Variants in SCNN1B observed in about 807,000 individuals in gnomAD.
SCNN1B encodes epithelial sodium channel subunit beta.
In SCNN1B, 46 loss-of-function variants were observed where a neutral mutation model predicts 65.3. That is an observed-to-expected ratio of 0.70 (90% CI 0.56 to 0.90). SCNN1B has a LOEUF of 0.90. Among genes scored for constraint, SCNN1B ranks in the 40% least tolerant of loss-of-function variants. The pLI is 0.00. For missense variants in SCNN1B, 751 were observed against 830.5 expected (o/e 0.90, Z 1.18); for synonymous variants, 349 against 330.6 (o/e 1.06, Z -0.60).
At position 23,365,620 on chromosome 16, in the gene SCNN1B, A is replaced by AGAGAGAGAAAGAAAGAAAGAAAG. The variant is rs11399911; in HGVS notation, c.777-2236_777-2235insGAGAGAGAAAGAAAGAAAGAAAG. Among the ~76,000 whole-genome samples the AGAGAGAGAAAGAAAGAAAGAAAG allele has an allele frequency of 4.7e-3, 377 of 80,490 alleles. 2 individuals carry two copies. The highest frequency in any genetic ancestry group is 0.028 in the South Asian group (62 of 2,198). The allele number at this position is 80,490 out of a possible 152,430, so 52.8% of individuals were successfully genotyped here. On this transcript the variant is annotated intron_variant, in intron 4 of 12. Coordinates refer to ENST00000343070, the MANE Select transcript of SCNN1B (RefSeq NM_000336.3). ...AAGAAAGAAAGAAAGAAAGAAAGAA[A>AGAGAGAGAAAGAAAGAAAGAAAG]AAAGAAAGAAGTCACATCTTGGAAG... is the stretch of plus-strand genomic sequence containing the variant.
intron 5 of SCNN1B, among the ~76,000 whole-genome samples, chr16:23,370,697 G>A (rs542556111): frequency 1.3e-5 from 2 of 152,218 alleles, no homozygotes; most frequent in Non-Finnish European, 2.9e-5. Context: ...GAACGTTTCT[G>A]GAGGAAGTGA....
chr16:23,365,314 GA>G (rs1419455776), intron 4 of SCNN1B, among the ~76,000 whole-genome samples: 1 of 146,044 alleles, frequency 6.8e-6, no homozygotes, highest in Non-Finnish European at 1.5e-5. Flanking sequence ...GAGAGAAAAA[GA>G]GAGAAAGAGA....
chr16:23,350,284 G>T (rs753169785), intron 2 of SCNN1B, among the ~76,000 whole-genome samples: 1 of 152,082 alleles, frequency 6.6e-6, no homozygotes, highest in South Asian at 2.1e-4. Flanking sequence ...ATGCACAGTG[G>T]AAGACTGTGG....
At chr16:23,341,066 A>T (rs1218417457) in intron 1 of SCNN1B, among the ~76,000 whole-genome samples, 2 of 152,250 alleles carry the variant, frequency 1.3e-5, no homozygotes, top group African/African-American at 2.4e-5. Flanking sequence ...TCTAGAGATT[A>T]CGTGTGAGTT....
chr16:23,337,266 C>A (rs1961961718), intron 1 of SCNN1B, among the ~76,000 whole-genome samples: 1 of 151,924 alleles, frequency 6.6e-6, no homozygotes, highest in African/African-American at 2.4e-5. Flanking sequence ...GTTACCTGGG[C>A]TGGTTTCAAA....
At chr16:23,286,283 T>C (rs1940667242) in intron 2 of SCNN1B, among the ~76,000 whole-genome samples, 1 of 152,206 alleles carries the variant, frequency 6.6e-6, no homozygotes, top group African/African-American at 2.4e-5. Flanking sequence ...ACAATGATCA[T>C]CAATGGATGC....
upstream of SCNN1B, among the ~76,000 whole-genome samples, chr16:23,298,718 GA>G (rs1961031599): frequency 2.0e-5 from 3 of 152,186 alleles, no homozygotes; most frequent in South Asian, 6.2e-4. Flanking sequence ...ATAAAAAGGG[GA>G]AACAAGTTGG....
chr16:23,343,645 A>AAGAAAG (rs1555487079), intron 1 of SCNN1B, among the ~76,000 whole-genome samples: 2 of 130,280 alleles, frequency 1.5e-5, no homozygotes, highest in Non-Finnish European at 3.3e-5. Context: ...GAAAGAAAGA[A>AAGAAAG]AGAAAAAAAG....
intron 1 of SCNN1B, among the ~76,000 whole-genome samples, chr16:23,324,214 G>T (rs1383598821): frequency 2.0e-5 from 3 of 150,500 alleles, no homozygotes; most frequent in African/African-American, 4.9e-5. Context: ...TTGAGACAGG[G>T]TCTTGCTCTG....
intron 11 of SCNN1B, among the ~76,000 whole-genome samples, 157 bp from the exon 12 acceptor site, chr16:23,379,937 T>C (rs1963003293): frequency 6.6e-6 from 1 of 152,156 alleles, no homozygotes; most frequent in Non-Finnish European, 1.5e-5. Flanking sequence ...GCTGCCTTCC[T>C]GTGTGCATGT....
chr16:23,367,558 A>G (rs1962694697), intron 4 of SCNN1B, among the ~76,000 whole-genome samples: 1 of 152,222 alleles, frequency 6.6e-6, no homozygotes, highest in African/African-American at 2.4e-5. Flanking sequence ...TCAGCCTTCC[A>G]AAGTGCTAGG....
chr16:23,332,049 G>A (rs974345320), intron 1 of SCNN1B, among the ~76,000 whole-genome samples: 1 of 152,106 alleles, frequency 6.6e-6, no homozygotes, highest in African/African-American at 2.4e-5. Context: ...TGTTTTTAGA[G>A]ACAGGGTCCT....
At chr16:23,378,984 T>C (rs1438442983) in intron 11 of SCNN1B, among the ~76,000 whole-genome samples, 1 of 147,318 alleles carries the variant, frequency 6.8e-6, no homozygotes, top group Admixed American at 6.7e-5. Context: ...TGCTTCCCTC[T>C]GTCACTGTGC....
Position 23,348,198 on chromosome 16 carries a change from A to C in SCNN1B, c.-8-394A>C, listed in dbSNP as rs1962227099. ...CATCAATGTTACAATGAAACATTGAACAAAACGACGTCGTTTGAGGACTTG... is the reference window on the plus strand; with the variant it reads ...CATCAATGTTACAATGAAACATTGACCAAAACGACGTCGTTTGAGGACTTG... On this transcript the variant is annotated intron_variant, in intron 1 of 12. Coordinates refer to ENST00000343070, the MANE Select transcript of SCNN1B (RefSeq NM_000336.3). The surrounding 1 kb of genome is among the most constrained non-coding windows in gnomAD (Gnocchi z 4.5). Among the ~76,000 whole-genome samples, 1 of 152,174 alleles carries C rather than the reference A, an allele frequency of 6.6e-6. No homozygotes were observed. Among genetic ancestry groups the C allele is most frequent in the Non-Finnish European group, 1.5e-5 (1 of 68,036 alleles).
intron 1 of SCNN1B, among the ~76,000 whole-genome samples, chr16:23,321,766 T>C (rs1961593170): frequency 6.6e-6 from 1 of 152,166 alleles, no homozygotes; most frequent in African/African-American, 2.4e-5. Flanking sequence ...CTAACACTTG[T>C]AATCCCAGCG....
intron 1 of SCNN1B, among the ~76,000 whole-genome samples, chr16:23,324,122 A>G (rs913157839): frequency 6.6e-6 from 1 of 152,002 alleles, no homozygotes; most frequent in African/African-American, 2.4e-5. Context: ...CCAAGATCAC[A>G]CAGCCACCCA....
chr16:23,334,368 C>A (rs1961891956), intron 1 of SCNN1B, among the ~76,000 whole-genome samples: 1 of 152,170 alleles, frequency 6.6e-6, no homozygotes, highest in Non-Finnish European at 1.5e-5. Flanking sequence ...CCAGTGCTTT[C>A]CAGCCTTTTT....
chr16:23,358,493 C>G (rs963691216), intron 4 of SCNN1B: 1 of 152,114 alleles, frequency 6.6e-6, no homozygotes, highest in Admixed American at 6.5e-5. Context: ...GGGGAGAGAA[C>G]AATACCTACC....
intron 1 of SCNN1B, among the ~76,000 whole-genome samples, chr16:23,337,900 T>C (rs1330860000): frequency 6.6e-6 from 1 of 151,760 alleles, no homozygotes; most frequent in East Asian, 1.9e-4. Flanking sequence ...ACCCCATTTC[T>C]ACCAAAAAAA....
Sources: gnomAD v4.1 joint callset for allele counts (sites outside exome capture counted in the v4.1 genomes callset) on GRCh38, gnomAD v4.1.1 for gene constraint, Gnocchi (gnomAD v3.1) non-coding constraint, MANE v1.5 for transcripts, NCBI Gene and HGNC (gene_info 2026-07-23, HGNC 2026-07-21) for gene names.